Variants in TMEM117 observed in about 807,000 individuals in gnomAD.
TMEM117 encodes transmembrane protein 117.
Under a neutral mutation model 52.4 loss-of-function variants are expected in TMEM117, and 27 were observed. That is an observed-to-expected ratio of 0.51 (90% CI 0.38 to 0.71). TMEM117 has a LOEUF of 0.71. TMEM117 is among the 30% of genes least tolerant of loss of function. The probability of loss-of-function intolerance (pLI) is 0.00; values close to 1 mark genes in which losing one functional copy is unlikely to be tolerated. For missense variants in TMEM117, 556 were observed against 630.5 expected, an observed-to-expected ratio of 0.88 and a Z score of 1.26; for synonymous variants, 215 against 206.3, an observed-to-expected ratio of 1.04 and a Z score of -0.36.
In TMEM117 at chr12:44,211,330, G is replaced by A. The variant is rs778776073; in HGVS notation, c.551G>A (p.Trp184Ter). The change falls in exon 5 of 8, where the codon TGG becomes TAG. Residue 184 changes from tryptophan (W) to a stop codon, truncating the protein, a stop_gained. Transcript: ENST00000266534. LOFTEE classifies it high-confidence loss of function. ...MMLQDKPYPD[W>*]GKSARAFWKK... Reference sequence around the variant, plus strand: ...CTTCAGGACAAACCCTATCCTGACTGGGGAAAATCAGCAAGAGCTTTCTGG... The same window carrying A: ...CTTCAGGACAAACCCTATCCTGACTAGGGAAAATCAGCAAGAGCTTTCTGG... The A allele has an allele frequency of 4.3e-6, 7 of 1,612,158 alleles. No individual in the cohort carries two copies. The highest frequency in any genetic ancestry group is 2.7e-5 in the African/African-American group (2 of 74,806).
At chr12:44,029,348 A>G (rs1360582588) in intron 3 of TMEM117, among the ~76,000 whole-genome samples, 1 of 152,028 alleles carries the variant, frequency 6.6e-6, no homozygotes, top group Non-Finnish European at 1.5e-5. Context: ...TCTGCTTAGC[A>G]CTCTTTGCTT....
intron 3 of TMEM117, among the ~76,000 whole-genome samples, chr12:43,966,014 G>C (rs1945479520): frequency 6.6e-6 from 1 of 152,140 alleles, no homozygotes; most frequent in African/African-American, 2.4e-5. Context: ...TTGGGTTTCT[G>C]TTCCTTTGTT....
the TMEM117 span, among the ~76,000 whole-genome samples, chr12:43,827,397 G>T: frequency 2.6e-5 from 4 of 152,110 alleles, no homozygotes; most frequent in African/African-American, 9.7e-5. Flanking sequence ...TCCTGAAAAT[G>T]ATGGTTTTAC....
At chr12:43,797,123 T>C in the TMEM117 span, 3 of 1,560,524 alleles carry the variant, frequency 1.9e-6, no homozygotes, top group South Asian at 2.4e-5. Flanking sequence ...ATAACAAATA[T>C]AATTAGCATA....
chr12:44,077,744 A>G (rs1409033789), intron 3 of TMEM117, among the ~76,000 whole-genome samples: 1 of 152,176 alleles, frequency 6.6e-6, no homozygotes, highest in African/African-American at 2.4e-5. Flanking sequence ...TGACCTTGAA[A>G]AAGATGCAAA....
chr12:44,195,176 G>A (rs542024422), intron 4 of TMEM117, among the ~76,000 whole-genome samples: 1 of 152,256 alleles, frequency 6.6e-6, no homozygotes, highest in East Asian at 1.9e-4. Context: ...TTTCCTGGAG[G>A]AGCCAGGAAA....
At chr12:44,099,238 G>A (rs1013599042) in intron 3 of TMEM117, among the ~76,000 whole-genome samples, 1 of 151,630 alleles carries the variant, frequency 6.6e-6, no homozygotes, top group East Asian at 1.9e-4. Context: ...CCTTTTCTTG[G>A]TATCAGCATT....
At chr12:44,207,596 T>C (rs538364735) in intron 4 of TMEM117, among the ~76,000 whole-genome samples, 2 of 152,262 alleles carry the variant, frequency 1.3e-5, no homozygotes, top group African/African-American at 4.8e-5. Context: ...CTTGTCTTTA[T>C]AGAAAAGATT....
chr12:43,901,188 G>A (rs956390306), intron 2 of TMEM117, among the ~76,000 whole-genome samples: 9 of 152,154 alleles, frequency 5.9e-5, no homozygotes, highest in African/African-American at 2.2e-4. Context: ...TTGTGCAAAG[G>A]CTTTCTGAAA....
intron 5 of TMEM117, among the ~76,000 whole-genome samples, chr12:44,295,827 A>T (rs1950762095): frequency 6.6e-6 from 1 of 152,068 alleles, no homozygotes; most frequent in Admixed American, 6.6e-5. Flanking sequence ...CAGTTCATAG[A>T]TCTCAATTTC....
chr12:44,107,274 T>C (rs770959529), intron 3 of TMEM117, among the ~76,000 whole-genome samples: 18 of 152,130 alleles, frequency 1.2e-4, no homozygotes, highest in Non-Finnish European at 2.2e-4. Flanking sequence ...CCTAGCCTCC[T>C]TGGCTCCAGG....
intron 2 of TMEM117, among the ~76,000 whole-genome samples, chr12:43,898,953 C>A (rs906558927): frequency 6.6e-6 from 1 of 152,158 alleles, no homozygotes; most frequent in Non-Finnish European, 1.5e-5. Flanking sequence ...CGGTCATTTT[C>A]TAGCTGGGAT....
intron 6 of TMEM117, among the ~76,000 whole-genome samples, chr12:44,334,120 G>A (rs1565726532): frequency 6.6e-6 from 1 of 151,966 alleles, no homozygotes; most frequent in African/African-American, 2.4e-5. Context: ...TTCTTTCTTG[G>A]ACTTCTCTTT....
chr12:44,003,131 C>A (rs773888149), intron 3 of TMEM117, among the ~76,000 whole-genome samples: 5 of 152,022 alleles, frequency 3.3e-5, no homozygotes, highest in Non-Finnish European at 5.9e-5. Context: ...TGCCTCTGGC[C>A]CCCTCCTCCT....
chr12:43,903,223 G>C (rs1944333248), intron 2 of TMEM117, among the ~76,000 whole-genome samples: 1 of 152,192 alleles, frequency 6.6e-6, no homozygotes, highest in Admixed American at 6.5e-5. Context: ...ATGAAATTAT[G>C]AAAAGTATAA....
intron 4 of TMEM117, among the ~76,000 whole-genome samples, chr12:44,185,111 G>T (rs904685555): frequency 8.5e-5 from 13 of 152,222 alleles, no homozygotes; most frequent in African/African-American, 3.1e-4. Flanking sequence ...CTCAATCTTT[G>T]AATTTATATA....
chr12:43,936,556 G>A (rs1464979305), intron 2 of TMEM117, among the ~76,000 whole-genome samples: 2 of 152,156 alleles, frequency 1.3e-5, no homozygotes, highest in African/African-American at 2.4e-5. Flanking sequence ...GACAAGGACT[G>A]AGGACAGACC....
At chr12:44,131,268 T>C (rs1412415560) in intron 3 of TMEM117, among the ~76,000 whole-genome samples, 1 of 152,188 alleles carries the variant, frequency 6.6e-6, no homozygotes, top group Non-Finnish European at 1.5e-5. Flanking sequence ...TTTGGAAGTG[T>C]CTCTCTTAGT....
chr12:44,050,895 T>A (rs1220806849), intron 3 of TMEM117, among the ~76,000 whole-genome samples: 1 of 152,232 alleles, frequency 6.6e-6, no homozygotes, highest in Non-Finnish European at 1.5e-5. Flanking sequence ...ATATCGCCCA[T>A]GTCCTAGGAA....
Sources: allele counts gnomAD v4.1 joint callset (sites outside exome capture counted in the v4.1 genomes callset), GRCh38; gene constraint gnomAD v4.1.1; transcripts MANE v1.5; gene names NCBI Gene and HGNC (gene_info 2026-07-23, HGNC 2026-07-21).